Variants in SDK1 observed in about 807,000 individuals in gnomAD.
SDK1 encodes sidekick cell adhesion molecule 1.
Under a neutral mutation model 245.5 loss-of-function variants are expected in SDK1, and 157 were observed. That is an observed-to-expected ratio of 0.64 (90% CI 0.56 to 0.73). SDK1 has a LOEUF of 0.73. Among genes scored for constraint, SDK1 ranks in the 30% least tolerant of loss-of-function variants. The pLI, the probability that SDK1 is intolerant of heterozygous loss-of-function variation, is 0.00. For missense variants in SDK1, 3,583 were observed against 3,002.3 expected (o/e 1.19, Z -4.52); for synonymous variants, 1,647 against 1,278.5 (o/e 1.29, Z -6.15).
intron 31 of SDK1, among the ~76,000 whole-genome samples, chr7:4,160,665 G>A (rs1179208717): frequency 6.6e-6 from 1 of 152,156 alleles, no homozygotes; most frequent in East Asian, 1.9e-4. Flanking sequence ...CTATTTCCCT[G>A]CACAACCTCA....
chr7:3,402,349 T>C (rs1345872216), intron 1 of SDK1, among the ~76,000 whole-genome samples: 2 of 152,192 alleles, frequency 1.3e-5, no homozygotes, highest in African/African-American at 4.8e-5. Context: ...TTATTGTGTC[T>C]GCCCAAGAAA....
At chr7:3,851,067 C>T (rs955659867) in intron 5 of SDK1, among the ~76,000 whole-genome samples, 2 of 152,032 alleles carry the variant, frequency 1.3e-5, no homozygotes, top group Admixed American at 1.3e-4. Flanking sequence ...TTGACCAAAC[C>T]TGATGGTGCA....
intron 4 of SDK1, among the ~76,000 whole-genome samples, chr7:3,675,614 C>G (rs534954143): frequency 1.1e-4 from 17 of 152,190 alleles, no homozygotes; most frequent in African/African-American, 3.4e-4. Context: ...TGTTCTGTCA[C>G]CCAGGCTGGA....
chr7:3,631,183 C>T (rs983018080), intron 2 of SDK1, among the ~76,000 whole-genome samples: 3 of 152,176 alleles, frequency 2.0e-5, no homozygotes, highest in South Asian at 4.1e-4. Flanking sequence ...ATCCACCCAC[C>T]TTGGCCTCCC....
intron 1 of SDK1, among the ~76,000 whole-genome samples, chr7:3,303,142 ACTC>A: frequency 6.6e-6 from 1 of 152,130 alleles, no homozygotes; most frequent in Non-Finnish European, 1.5e-5. Context: ...GGTTAATTTA[ACTC>A]CTCCATTACT....
chr7:3,630,842 C>G (rs1364182760), intron 2 of SDK1, among the ~76,000 whole-genome samples: 1 of 151,642 alleles, frequency 6.6e-6, no homozygotes, highest in African/African-American at 2.4e-5. Flanking sequence ...AAACTTATCC[C>G]TTGGTGATAT....
intron 1 of SDK1, 41 bp from the exon 2 acceptor site, chr7:3,619,039 C>T (rs1204666720): frequency 4.5e-5 from 65 of 1,449,616 alleles, no homozygotes; most frequent in Non-Finnish European, 5.7e-5. Flanking sequence ...CACTTTCATG[C>T]GTACTTCAGT....
At chr7:3,774,165 A>G (rs1780484380) in intron 4 of SDK1, among the ~76,000 whole-genome samples, 1 of 151,080 alleles carries the variant, frequency 6.6e-6, no homozygotes. Context: ...CAGTGAGCCA[A>G]GATAGCGCCA....
At chr7:3,503,409 G>A (rs1021757578) in intron 1 of SDK1, among the ~76,000 whole-genome samples, 1 of 152,166 alleles carries the variant, frequency 6.6e-6, no homozygotes, top group Admixed American at 6.5e-5. Flanking sequence ...GTGGGGTGTG[G>A]TGGCTCATGC....
rs1019817470 is a variant in SDK1 at position 3,801,640 on chromosome 7, G to A, written c.714-19810G>A. On this transcript the variant is annotated intron_variant, in intron 4 of 44. Coordinates refer to ENST00000404826, the MANE Select transcript of SDK1 (RefSeq NM_152744.4). ...GATGATGAGTCCTTCTCATTGATAA[G>A]GACCCTGAGCAAGGCCTGGTGAGTT... Among the ~76,000 whole-genome samples the A allele has an allele frequency of 1.1e-4, 17 of 152,282 alleles. No homozygotes were observed. The South Asian group carries it at 1.9e-3, about 17-fold the overall frequency.
chr7:4,144,156 G>A (rs1274613159), intron 28 of SDK1, among the ~76,000 whole-genome samples: 2 of 151,944 alleles, frequency 1.3e-5, no homozygotes, highest in Non-Finnish European at 2.9e-5. Flanking sequence ...AGGGGAGGCC[G>A]GGGGAAAGAG....
At chr7:3,608,572 C>G (rs186965516) in intron 1 of SDK1, among the ~76,000 whole-genome samples, 1 of 152,092 alleles carries the variant, frequency 6.6e-6, no homozygotes, top group Non-Finnish European at 1.5e-5. Flanking sequence ...TTGACACTTT[C>G]GCATTATTTA....
chr7:3,887,922 A>G (rs567719986), intron 5 of SDK1, among the ~76,000 whole-genome samples: 28 of 152,342 alleles, frequency 1.8e-4, no homozygotes, highest in Non-Finnish European at 3.1e-4. Context: ...GCAAATTTTT[A>G]TTCAAATGTG....
chr7:4,106,830 A>G (rs2128189247), intron 22 of SDK1, among the ~76,000 whole-genome samples: 1 of 151,720 alleles, frequency 6.6e-6, no homozygotes, highest in South Asian at 2.1e-4. Flanking sequence ...TCCCAGAGCT[A>G]CTGCCCTGAC....
chr7:3,476,449 C>T lies in SDK1; in HGVS notation c.299-142631C>T, dbSNP rs142502948. The stretch of plus-strand genomic sequence containing the variant: ...CATTACTTTTTCCTAGATTATTATG[C>T]CATTGTTCTCATTGTAATCTATTTC... On this transcript the variant is annotated intron_variant, in intron 1 of 44. Coordinates refer to ENST00000404826, the MANE Select transcript of SDK1 (RefSeq NM_152744.4). Among the ~76,000 whole-genome samples the T allele has an allele frequency of 2.0e-5, 3 of 152,248 alleles. No individual in the cohort carries two copies. In the South Asian group the frequency reaches 6.2e-4, roughly 32 times the overall value.
At chr7:3,803,521 G>A (rs1779164601) in intron 4 of SDK1, among the ~76,000 whole-genome samples, 1 of 151,640 alleles carries the variant, frequency 6.6e-6, no homozygotes, top group Non-Finnish European at 1.5e-5. Flanking sequence ...ATGTGGACCA[G>A]GCTGGTCTCA....
intron 1 of SDK1, among the ~76,000 whole-genome samples, chr7:3,586,098 A>AG (rs966548110): frequency 3.3e-5 from 5 of 152,208 alleles, no homozygotes; most frequent in African/African-American, 1.2e-4. Flanking sequence ...GGAGAGAAGC[A>AG]GGGAGGTGTG....
chr7:3,810,161 G>C (rs1040219280), intron 4 of SDK1, among the ~76,000 whole-genome samples: 1 of 152,062 alleles, frequency 6.6e-6, no homozygotes, highest in South Asian at 2.1e-4. Context: ...TTCATGAGGA[G>C]CCCCCCCATA....
At chr7:3,772,553 TG>T (rs1222124156) in intron 4 of SDK1, among the ~76,000 whole-genome samples, 2 of 152,198 alleles carry the variant, frequency 1.3e-5, no homozygotes, top group Non-Finnish European at 2.9e-5. Flanking sequence ...GACTAATAAT[TG>T]CTTTTAAAAA....
Sources: gnomAD v4.1 joint callset for allele counts (sites outside exome capture counted in the v4.1 genomes callset) on GRCh38, gnomAD v4.1.1 for gene constraint, MANE v1.5 for transcripts, NCBI Gene and HGNC (gene_info 2026-07-23, HGNC 2026-07-21) for gene names.